HMCN1: variants seen among roughly 807,000 people sequenced by gnomAD.
HMCN1 encodes the protein hemicentin 1.
A neutral mutation model predicts 625.9 loss-of-function variants in HMCN1; 321 were observed. The ratio of observed to expected loss-of-function variants is 0.51; its 90% CI spans 0.47 to 0.56. HMCN1 has a LOEUF of 0.56. Ranked by LOEUF, HMCN1 falls within the 20% of genes least tolerant of loss-of-function variation. The probability of loss-of-function intolerance (pLI) is 0.00; values close to 1 mark genes in which losing one functional copy is unlikely to be tolerated. For synonymous variants in HMCN1, 2,425 were observed against 2,417.6 expected (o/e 1.00, Z -0.09); for missense variants, 6,588 against 6,887.3 (o/e 0.96, Z 1.54).
intron 1 of HMCN1, among the ~76,000 whole-genome samples, chr1:185,741,663 TG>T (rs1267732943): frequency 6.6e-6 from 1 of 152,202 alleles, no homozygotes; most frequent in Non-Finnish European, 1.5e-5. Flanking sequence ...GAGAAGAGTA[TG>T]TTATCCTAGA....
chr1:185,874,845 T>C (rs1663832710), intron 4 of HMCN1, among the ~76,000 whole-genome samples: 1 of 151,970 alleles, frequency 6.6e-6, no homozygotes, highest in African/African-American at 2.4e-5. Context: ...ACACATGATA[T>C]AGTTAAATCA....
intron 1 of HMCN1, among the ~76,000 whole-genome samples, chr1:185,743,982 G>GTTTTTTTTTTTTTTTTT (rs1214723950): frequency 1.1e-5 from 1 of 88,140 alleles, no homozygotes; most frequent in Non-Finnish European, 2.2e-5. Flanking sequence ...TTACTGTTTT[G>GTTTTTTTTTTTTTTTTT]TTTTTTTTTT....
At chr1:186,033,533 G>A (rs532890099) in intron 36 of HMCN1, among the ~76,000 whole-genome samples, 9 of 151,896 alleles carry the variant, frequency 5.9e-5, no homozygotes, top group Admixed American at 2.0e-4. Flanking sequence ...AAAACAATGT[G>A]GATGCTATGT....
chr1:185,825,856 C>A (rs1243778502), intron 1 of HMCN1, among the ~76,000 whole-genome samples: 2 of 152,136 alleles, frequency 1.3e-5, no homozygotes, highest in African/African-American at 4.8e-5. Flanking sequence ...TTTTCTCTTA[C>A]ATATTACTAG....
intron 34 of HMCN1, 144 bp from the exon 35 acceptor site, chr1:186,019,397 A>G (rs1017314622): frequency 1.7e-5 from 11 of 666,244 alleles, no homozygotes; most frequent in Non-Finnish European, 2.7e-5. Flanking sequence ...AATTAAATGC[A>G]CATGATGAAA....
intron 46 of HMCN1, 29 bp from the exon 47 acceptor site, chr1:186,061,822 T>G: frequency 6.7e-7 from 1 of 1,485,680 alleles, no homozygotes; most frequent in Non-Finnish European, 9.4e-7. Flanking sequence ...CTTTTTAAGT[T>G]ATCTTAAAAA....
chr1:185,850,455 T>C (rs1662093177), intron 2 of HMCN1, among the ~76,000 whole-genome samples: 1 of 152,100 alleles, frequency 6.6e-6, no homozygotes, highest in South Asian at 2.1e-4. Context: ...ACCTTGTCAA[T>C]GAGACCTGGC....
chr1:185,980,881 G>T, intron 16 of HMCN1, 97 bp from the exon 17 acceptor site: 1 of 813,734 alleles, frequency 1.2e-6, no homozygotes. Context: ...CCAGAAGGCA[G>T]TGCACACTTT....
rs1373257849 is a variant in HMCN1, at chr1:185,858,649, C to T, written c.340-5821C>T. Among the ~76,000 whole-genome samples, 5 of 98,520 alleles carry T rather than the reference C, an allele frequency of 5.1e-5. No individual in the cohort carries two copies. The South Asian group carries it at 1.2e-3, about 24-fold the overall frequency. 64.6% of individuals were successfully genotyped at this position (98,520 alleles called of 152,430 possible). ...TTTTTTTTTTAGAGACGGGGATTTC[C>T]TCTGTTGCACAGGCTGGTCTTAAGC... On this transcript the variant is annotated intron_variant, in intron 2 of 106. Coordinates refer to ENST00000271588, the MANE Select transcript of HMCN1 (RefSeq NM_031935.3).
At chr1:185,792,483 C>G (rs57646829) in intron 1 of HMCN1, among the ~76,000 whole-genome samples, 2 of 151,842 alleles carry the variant, frequency 1.3e-5, no homozygotes, top group Non-Finnish European at 1.5e-5. Context: ...TTAAATATCT[C>G]AGCTCCAAAA....
intron 11 of HMCN1, among the ~76,000 whole-genome samples, chr1:185,944,855 A>G (rs1668256820): frequency 6.6e-6 from 1 of 152,212 alleles, no homozygotes; most frequent in African/African-American, 2.4e-5. Context: ...AGACAATGAG[A>G]AGCAGAGTGT....
At chr1:185,735,146 T>A in intron 1 of HMCN1, 99 bp downstream of exon 1, 2 of 1,355,448 alleles carry the variant, frequency 1.5e-6, no homozygotes, top group Non-Finnish European at 2.1e-6. Flanking sequence ...TCAAAACCAT[T>A]TTAAAAAAAT....
chr1:186,062,077 A>G (rs898875738), intron 47 of HMCN1, 113 bp downstream of exon 47: 23 of 664,722 alleles, frequency 3.5e-5, no homozygotes, highest in African/African-American at 3.3e-4. Flanking sequence ...TAGACCCTGG[A>G]CTGTGACTCT....
At chr1:186,035,051 G>A (rs970715026) in intron 36 of HMCN1, among the ~76,000 whole-genome samples, 2 of 152,164 alleles carry the variant, frequency 1.3e-5, no homozygotes, top group African/African-American at 4.8e-5. Context: ...AAGGCTTCAA[G>A]TATTTAAAAA....
intron 18 of HMCN1, 90 bp downstream of exon 18, chr1:185,982,479 C>CA: frequency 7.9e-7 from 1 of 1,263,782 alleles, no homozygotes; most frequent in South Asian, 1.3e-5. Flanking sequence ...TTCATTCTGT[C>CA]ACCTAGGCTG....
At chr1:185,833,911 C>T (rs1453953403) in intron 1 of HMCN1, among the ~76,000 whole-genome samples, 3 of 151,934 alleles carry the variant, frequency 2.0e-5, no homozygotes, top group Non-Finnish European at 4.4e-5. Context: ...CTGTGCATTT[C>T]TTATTATACA....
chr1:186,016,640 A>G (rs1654386557), intron 32 of HMCN1, among the ~76,000 whole-genome samples: 1 of 152,126 alleles, frequency 6.6e-6, no homozygotes, highest in Non-Finnish European at 1.5e-5. Flanking sequence ...GCTTTTGAAT[A>G]GATGCCCAAT....
At chr1:185,977,430 C>A (rs1277265886) in intron 15 of HMCN1, among the ~76,000 whole-genome samples, 2 of 152,158 alleles carry the variant, frequency 1.3e-5, no homozygotes, top group African/African-American at 4.8e-5. Context: ...ATAAAGCCAA[C>A]TTATTTATAA....
chr1:185,761,362 A>G (rs1480724872), intron 1 of HMCN1, among the ~76,000 whole-genome samples: 4 of 152,122 alleles, frequency 2.6e-5, no homozygotes, highest in Admixed American at 6.6e-5. Flanking sequence ...GATCTTATTA[A>G]TAGTCAAATA....
Sources: allele counts gnomAD v4.1 joint callset (sites outside exome capture counted in the v4.1 genomes callset), GRCh38; gene constraint gnomAD v4.1.1; transcripts MANE v1.5; gene names NCBI Gene and HGNC (gene_info 2026-07-23, HGNC 2026-07-21).